The following SLC22A23 variants were observed in gnomAD, a reference collection of about 807,000 sequenced individuals.
The protein encoded by SLC22A23 is solute carrier family 22 member 23.
In SLC22A23, 26 loss-of-function variants were observed where a neutral mutation model predicts 61.0. The observed-to-expected ratio is 0.43, with a 90% CI of 0.31 to 0.59. SLC22A23 has a LOEUF of 0.59. Ranked by LOEUF, SLC22A23 falls within the 20% of genes least tolerant of loss-of-function variation. The pLI, the probability that SLC22A23 is intolerant of heterozygous loss-of-function variation, is 0.11. For missense variants in SLC22A23, 796 were observed against 934.7 expected, an observed-to-expected ratio of 0.85 and a Z score of 1.94; for synonymous variants, 430 against 413.9, an observed-to-expected ratio of 1.04 and a Z score of -0.47.
chr6:3,379,249 C>T (rs115929624), intron 3 of SLC22A23, among the ~76,000 whole-genome samples: 1 of 152,136 alleles, frequency 6.6e-6, no homozygotes, highest in Admixed American at 6.5e-5. Flanking sequence ...CTTCGGCTTC[C>T]CCCAATAAAC....
intron 9 of SLC22A23, among the ~76,000 whole-genome samples, chr6:3,280,755 C>T (rs1759398274): frequency 6.6e-6 from 1 of 152,148 alleles, no homozygotes; most frequent in African/African-American, 2.4e-5. Flanking sequence ...CTCAGCCTCC[C>T]AAAGTGCTGG....
At position 3,379,222 on chromosome 6, in the gene SLC22A23, C is replaced by T. The variant is rs1581784434; in HGVS notation, c.913+30966G>A. On this transcript the variant is annotated intron_variant, in intron 3 of 9. Transcript: ENST00000406686. ...ACAGCAACAATTCTAAAATGTCCTT[C>T]TCCTCCACCAAGGGGACTTCGGCTT... Among the ~76,000 whole-genome samples, 3 of 152,306 alleles carry T rather than the reference C, an allele frequency of 2.0e-5. No homozygotes were observed. The South Asian group carries it at 6.2e-4, about 32-fold the overall frequency.
chr6:3,292,169 A>T (rs957236297), intron 5 of SLC22A23, among the ~76,000 whole-genome samples: 1 of 152,204 alleles, frequency 6.6e-6, no homozygotes, highest in Non-Finnish European at 1.5e-5. Context: ...CAGCCTGTCA[A>T]CAACAGCATG....
Position 3,333,551 on chromosome 6 carries a change from C to A in SLC22A23, c.914-9549G>T, listed in dbSNP as rs1324002130. Reference sequence around the variant, plus strand: ...ACACCCCCCTTCTGGGCTGTGCACTCCCCGTCTGTCCTCCCCAGGGAGTTG... The same window carrying A: ...ACACCCCCCTTCTGGGCTGTGCACTACCCGTCTGTCCTCCCCAGGGAGTTG... On this transcript the variant is annotated intron_variant, in intron 3 of 9. Coordinates refer to ENST00000406686, the MANE Select transcript of SLC22A23 (RefSeq NM_015482.2). The surrounding 1 kb of genome is among the most constrained non-coding windows in gnomAD (Gnocchi z 4.1). Among the ~76,000 whole-genome samples the A allele has an allele frequency of 1.3e-5, 2 of 152,186 alleles. No individual in the cohort carries two copies. The highest frequency in any genetic ancestry group is 4.8e-5 in the African/African-American group (2 of 41,438).
intron 3 of SLC22A23, among the ~76,000 whole-genome samples, chr6:3,408,613 A>G (rs1581836345): frequency 6.6e-6 from 1 of 152,152 alleles, no homozygotes; most frequent in Non-Finnish European, 1.5e-5. Flanking sequence ...TCTTCTCCCC[A>G]TTCTCTGGCA....
intron 3 of SLC22A23, among the ~76,000 whole-genome samples, chr6:3,384,072 T>C (rs1024329269): frequency 1.3e-5 from 2 of 152,206 alleles, no homozygotes; most frequent in African/African-American, 4.8e-5. Flanking sequence ...ACAAAAACGG[T>C]GCCAGGCCAA....
chr6:3,375,756 T>G (rs903793707), intron 3 of SLC22A23, among the ~76,000 whole-genome samples: 2 of 152,214 alleles, frequency 1.3e-5, no homozygotes, highest in Non-Finnish European at 2.9e-5. Flanking sequence ...TGGACACATA[T>G]ACTTGGTCAC....
chr6:3,441,815 G>A (rs1238503794), intron 1 of SLC22A23, among the ~76,000 whole-genome samples: 1 of 152,126 alleles, frequency 6.6e-6, no homozygotes, highest in African/African-American at 2.4e-5. Flanking sequence ...CCTTCTCCAG[G>A]GCAGACACGA....
chr6:3,427,538 G>C lies in SLC22A23; in HGVS notation c.655-11683C>G, dbSNP rs1047106692. Among the ~76,000 whole-genome samples the C allele has an allele frequency of 6.6e-6, 1 of 152,098 alleles. No individual in the cohort carries two copies. Among genetic ancestry groups the C allele is most frequent in the African/African-American group, 2.4e-5 (1 of 41,414 alleles). On this transcript the variant is annotated intron_variant, in intron 1 of 9. Coordinates refer to ENST00000406686, the MANE Select transcript of SLC22A23 (RefSeq NM_015482.2). The surrounding 1 kb of genome is among the most constrained non-coding windows in gnomAD (Gnocchi z 4.3). ...CCTCCAGGGAGCAGCTGTGTTCATA[G>C]CTGGGAGATGCTGAAGGAGGAGCAG...
chr6:3,280,172 G>A (rs893399064), intron 9 of SLC22A23, among the ~76,000 whole-genome samples: 2 of 152,178 alleles, frequency 1.3e-5, no homozygotes, highest in Non-Finnish European at 2.9e-5. Context: ...GTCCTGTGCT[G>A]AGCCCAGGCC....
intron 2 of SLC22A23, among the ~76,000 whole-genome samples, chr6:3,411,403 A>G (rs1769233375): frequency 6.6e-6 from 1 of 152,198 alleles, no homozygotes; most frequent in Non-Finnish European, 1.5e-5. Context: ...AGACATCTAC[A>G]TGCAAGTAAA....
At position 3,308,599 on chromosome 6, in the gene SLC22A23, CG is replaced by C. The variant is rs1196919516; in HGVS notation, c.1083-10382del. 6.6e-6 allele frequency among the ~76,000 whole-genome samples: 1 copy of C among 152,162 alleles called. No homozygotes were observed. The highest frequency in any genetic ancestry group is 1.5e-5 in the Non-Finnish European group (1 of 68,030). On this transcript the variant is annotated intron_variant, in intron 4 of 9. Coordinates refer to ENST00000406686, the MANE Select transcript of SLC22A23 (RefSeq NM_015482.2). This position sits in a 1 kb window ranked among gnomAD's most constrained non-coding sequence, Gnocchi z 5.1. ...CAGGGTTGATCAAACCTCACAAAAA[CG>C]TGAACCATGCCATTTTCCAGCATGT...
At position 3,406,784 on chromosome 6, in the gene SLC22A23, C is replaced by A. The variant is rs919052407; in HGVS notation, c.913+3404G>T. Among the ~76,000 whole-genome samples the A allele has an allele frequency of 2.6e-5, 4 of 152,086 alleles. 1 individual carries two copies. Among genetic ancestry groups the A allele is most frequent in the Non-Finnish European group, 5.9e-5 (4 of 68,028 alleles). ...TTATGTACTAATTACACAACCACAT[C>A]TCCCTTTGGCGACTTGAGGGAAACA... is the stretch of plus-strand genomic sequence containing the variant. On this transcript the variant is annotated intron_variant, in intron 3 of 9. Coordinates refer to ENST00000406686, the MANE Select transcript of SLC22A23 (RefSeq NM_015482.2).
chr6:3,413,921 A>C (rs1581846624), intron 2 of SLC22A23, among the ~76,000 whole-genome samples: 1 of 152,184 alleles, frequency 6.6e-6, no homozygotes, highest in African/African-American at 2.4e-5. Context: ...GCACCCCCTC[A>C]ATCTTGCCCA....
rs1763174063 is a variant in SLC22A23, at chr6:3,324,667, T to C, written c.914-665A>G. 6.6e-6 allele frequency among the ~76,000 whole-genome samples: 1 copy of C among 152,196 alleles called. No individual in the cohort carries two copies. The highest frequency in any genetic ancestry group is 1.5e-5 in the Non-Finnish European group (1 of 68,036). ...AATGACCCTACCAGAAAGCCCCTTC[T>C]CCACGTGGGAGTTCTGTGGGCCACT... On this transcript the variant is annotated intron_variant, in intron 3 of 9. Transcript: ENST00000406686. This position sits in a 1 kb window ranked among gnomAD's most constrained non-coding sequence, Gnocchi z 4.3.
At chr6:3,368,556 T>C (rs1386031342) in intron 3 of SLC22A23, among the ~76,000 whole-genome samples, 1 of 152,218 alleles carries the variant, frequency 6.6e-6, no homozygotes, top group African/African-American at 2.4e-5. Flanking sequence ...ATTGGCCACA[T>C]TTCAACATAA....
chr6:3,271,699 G>A lies in SLC22A23; in HGVS notation c.*1356C>T, dbSNP rs1400310832. Reference sequence around the variant, plus strand: ...ACAAAGTGGTGCCTGCCCTTGCCAAGGAGGCTGTCTCTTAGTCGCCTTGGG... The same window carrying A: ...ACAAAGTGGTGCCTGCCCTTGCCAAAGAGGCTGTCTCTTAGTCGCCTTGGG... On this transcript the variant is annotated 3_prime_UTR_variant, in exon 10 of 10. Transcript: ENST00000406686. The A allele has an allele frequency of 6.6e-6, 1 of 152,346 alleles. No individual in the cohort carries two copies. 9.4% of individuals were successfully genotyped at this position (152,346 alleles called of 1,614,324 possible).
At position 3,286,620 on chromosome 6, in the gene SLC22A23, C is replaced by T. The variant is rs563291414; in HGVS notation, c.1546+239G>A. 2.6e-4 allele frequency among the ~76,000 whole-genome samples: 39 copies of T among 152,306 alleles called. 1 individual carries two copies. Among genetic ancestry groups the T allele is most frequent in the South Asian group, 2.1e-3 (10 of 4,820 alleles). The stretch of plus-strand genomic sequence containing the variant: ...TAGCAAAGACTGGGCCACCAGGACT[C>T]GGAAGGAATCATGGTGCAGCCCGGG... On this transcript the variant is annotated intron_variant, in intron 7 of 9. Coordinates refer to ENST00000406686, the MANE Select transcript of SLC22A23 (RefSeq NM_015482.2). The surrounding 1 kb of genome is among the most constrained non-coding windows in gnomAD (Gnocchi z 4.2).
chr6:3,282,798 G>T (rs777017678), intron 9 of SLC22A23, among the ~76,000 whole-genome samples: 67 of 152,348 alleles, frequency 4.4e-4, no homozygotes, highest in Non-Finnish European at 4.0e-4. Context: ...TGCCCTTTTA[G>T]TGGAGGCGTG....
Sources: allele counts gnomAD v4.1 joint callset (sites outside exome capture counted in the v4.1 genomes callset), GRCh38; gene constraint gnomAD v4.1.1; non-coding constraint Gnocchi (gnomAD v3.1); transcripts MANE v1.5; gene names NCBI Gene and HGNC (gene_info 2026-07-23, HGNC 2026-07-21).